SH3BGRL: variants seen among roughly 807,000 people sequenced by gnomAD.
SH3BGRL encodes the protein SH3 domain binding glutamate rich protein like.
SH3BGRL carries 7 observed loss-of-function variants against 9.8 expected under a neutral mutation model. That is an observed-to-expected ratio of 0.72 (90% CI 0.41 to 1.35). SH3BGRL has a LOEUF of 1.35. Among genes scored for constraint, SH3BGRL ranks in the 40% most tolerant of loss-of-function variants. The pLI is 0.01. For synonymous variants in SH3BGRL, 36 were observed against 29.1 expected, an observed-to-expected ratio of 1.24 and a Z score of -0.76; for missense variants, 73 against 84.4, an observed-to-expected ratio of 0.86 and a Z score of 0.53.
chrX:81,220,789 G>C (rs1443182667), intron 1 of SH3BGRL, among the ~76,000 whole-genome samples: 1 of 109,754 alleles, frequency 9.1e-6, no homozygotes, highest in Non-Finnish European at 1.9e-5. Flanking sequence ...ATATTTCACT[G>C]TATCTTATAG....
At chrX:81,231,520 A>G (rs1477285507) in intron 1 of SH3BGRL, among the ~76,000 whole-genome samples, 1 of 112,601 alleles carries the variant, frequency 8.9e-6, no homozygotes, top group African/African-American at 3.2e-5. Flanking sequence ...GTCTGAACCT[A>G]GTGATCTAAA....
chrX:81,232,396 GTGATGATGA>G (rs199805990), intron 1 of SH3BGRL, among the ~76,000 whole-genome samples: 14 of 107,314 alleles, frequency 1.3e-4, no homozygotes, highest in East Asian at 2.9e-4. Flanking sequence ...TAGTGAATTA[GTGATGATGA>G]TGATGATGAT....
At chrX:81,219,212 C>CA (rs969622448) in intron 1 of SH3BGRL, among the ~76,000 whole-genome samples, 16 of 109,492 alleles carry the variant, frequency 1.5e-4, no homozygotes, top group African/African-American at 4.3e-4. Context: ...AGCTGTGAGG[C>CA]AAAAGCATCA....
At chrX:81,215,261 T>C (rs1292960073) in intron 1 of SH3BGRL, among the ~76,000 whole-genome samples, 1 of 110,851 alleles carries the variant, frequency 9.0e-6, no homozygotes, top group Non-Finnish European at 1.9e-5. Context: ...TGCACATACA[T>C]GTACCATATA....
intron 1 of SH3BGRL, among the ~76,000 whole-genome samples, chrX:81,210,883 G>A (rs1010561300): frequency 1.8e-5 from 2 of 112,227 alleles, no homozygotes; most frequent in Admixed American, 9.4e-5. Context: ...ATCAAGTGGA[G>A]AACTTGAGTT....
chrX:81,288,278 G>A (rs1038950923), intron 3 of SH3BGRL, among the ~76,000 whole-genome samples: 36 of 111,673 alleles, frequency 3.2e-4, no homozygotes, highest in African/African-American at 1.2e-3. Flanking sequence ...TAGTATAGAA[G>A]GAACATACTT....
intron 1 of SH3BGRL, among the ~76,000 whole-genome samples, chrX:81,224,151 G>T (rs1012491910): frequency 2.7e-5 from 3 of 111,924 alleles, no homozygotes; most frequent in Non-Finnish European, 5.6e-5. Flanking sequence ...ATAAAACTTT[G>T]AATTATACTG....
chrX:81,235,664 A>G (rs1443470061), intron 1 of SH3BGRL, among the ~76,000 whole-genome samples: 3 of 111,573 alleles, frequency 2.7e-5, no homozygotes, highest in African/African-American at 9.8e-5. Context: ...TCCTGGTATA[A>G]CAAAATAAGG....
intron 1 of SH3BGRL, among the ~76,000 whole-genome samples, chrX:81,214,838 A>G (rs763568600): frequency 2.7e-5 from 3 of 112,106 alleles, no homozygotes; most frequent in East Asian, 5.6e-4. Flanking sequence ...TTTAGTAAAG[A>G]TCAGTTTGAT....
At chrX:81,241,098 G>A (rs997854111) in intron 1 of SH3BGRL, among the ~76,000 whole-genome samples, 1 of 112,702 alleles carries the variant, frequency 8.9e-6, no homozygotes, top group Non-Finnish European at 1.9e-5. Flanking sequence ...CCTGCTCTTG[G>A]GTGGAGCAAA....
rs144105310 is a variant in SH3BGRL at position 81,231,962 on chromosome X, A to C, written c.45+29717A>C. On this transcript the variant is annotated intron_variant, in intron 1 of 3. Coordinates refer to ENST00000373212, the MANE Select transcript of SH3BGRL (RefSeq NM_003022.3). Reference sequence around the variant, plus strand: ...TGCATGTTTTTATGTGTTTCTCTCTATATATATACACACACACGTATATGT... The same window carrying C: ...TGCATGTTTTTATGTGTTTCTCTCTCTATATATACACACACACGTATATGT... Among the ~76,000 whole-genome samples, 403 of 111,205 alleles carry C rather than the reference A, an allele frequency of 3.6e-3. 3 individuals carry two copies. Among genetic ancestry groups the C allele is most frequent in the Middle Eastern group, 0.018 (4 of 217 alleles).
intron 1 of SH3BGRL, among the ~76,000 whole-genome samples, chrX:81,211,541 C>A (rs886784913): frequency 9.1e-6 from 1 of 110,145 alleles, no homozygotes; most frequent in Admixed American, 9.6e-5. Flanking sequence ...GATCCGAGAT[C>A]GTGCCACTGC....
intron 3 of SH3BGRL, among the ~76,000 whole-genome samples, chrX:81,290,574 T>C (rs1602631647): frequency 9.1e-6 from 1 of 109,927 alleles, no homozygotes; most frequent in East Asian, 2.9e-4. Context: ...TTACCAGAGG[T>C]TGAGAAAGGT....
At chrX:81,261,862 T>G (rs2075742394) in intron 1 of SH3BGRL, among the ~76,000 whole-genome samples, 1 of 111,423 alleles carries the variant, frequency 9.0e-6, no homozygotes, top group Non-Finnish European at 1.9e-5. Flanking sequence ...GGGAGGAATA[T>G]CTGGCATCAA....
chrX:81,212,303 A>G (rs994426891), intron 1 of SH3BGRL, among the ~76,000 whole-genome samples: 2 of 111,637 alleles, frequency 1.8e-5, no homozygotes, highest in African/African-American at 3.3e-5. Context: ...TGAGGGGACA[A>G]TCAGGGTTGT....
intron 1 of SH3BGRL, among the ~76,000 whole-genome samples, chrX:81,220,352 T>G (rs1186848213): frequency 9.0e-6 from 1 of 111,606 alleles, no homozygotes; most frequent in Non-Finnish European, 1.9e-5. Context: ...ATTTGTAAGT[T>G]GTATCTGTCT....
At chrX:81,229,243 A>T (rs1041385105) in intron 1 of SH3BGRL, among the ~76,000 whole-genome samples, 1 of 111,187 alleles carries the variant, frequency 9.0e-6, no homozygotes, top group Admixed American at 9.5e-5. Flanking sequence ...GGGAGCATGC[A>T]TATGGGCAGG....
chrX:81,292,293 C>G (rs2075860475), intron 3 of SH3BGRL, among the ~76,000 whole-genome samples: 2 of 112,193 alleles, frequency 1.8e-5, no homozygotes, highest in Non-Finnish European at 3.8e-5. Context: ...ACCCCCACAG[C>G]CTTAACATCA....
chrX:81,236,230 G>A (rs1334899954), intron 1 of SH3BGRL, among the ~76,000 whole-genome samples: 2 of 111,369 alleles, frequency 1.8e-5, no homozygotes, highest in African/African-American at 6.5e-5. Flanking sequence ...GCTAGGTGTG[G>A]AAAAATGGAC....
Sources: gnomAD v4.1 joint callset for allele counts (sites outside exome capture counted in the v4.1 genomes callset) on GRCh38, gnomAD v4.1.1 for gene constraint, MANE v1.5 for transcripts, NCBI Gene and HGNC (gene_info 2026-07-23, HGNC 2026-07-21) for gene names.